The following DCST2 variants were observed in gnomAD, a reference collection of about 807,000 sequenced individuals.
DCST2 encodes DC-STAMP domain-containing protein 2.
DCST2 carries 64 observed loss-of-function variants against 81.8 expected under a neutral mutation model. The observed-to-expected ratio is 0.78, with a 90% CI of 0.64 to 0.96. The LOEUF is 0.96. Among genes scored for constraint, DCST2 ranks in the 40% least tolerant of loss-of-function variants. The probability of loss-of-function intolerance (pLI) is 0.00; values close to 1 mark genes in which losing one functional copy is unlikely to be tolerated. For synonymous variants in DCST2, 354 were observed against 402.6 expected (o/e 0.88, Z 1.44); for missense variants, 945 against 1,001.4 (o/e 0.94, Z 0.76).
At chr1:155,032,296 C>T (rs933798775) in intron 3 of DCST2, among the ~76,000 whole-genome samples, 9 of 150,922 alleles carry the variant, frequency 6.0e-5, no homozygotes, top group South Asian at 2.1e-4. Context: ...CTGGCCCCCC[C>T]GCTTTTTTTT....
At chr1:155,022,970 G>T in intron 14 of DCST2, 147 bp downstream of exon 14, 1 of 1,294,788 alleles carries the variant, frequency 7.7e-7, no homozygotes, top group Non-Finnish European at 1.1e-6. Flanking sequence ...CAGAGCAGCC[G>T]CTTGGCAAAC....
intron 4 of DCST2, 59 bp downstream of exon 4, chr1:155,031,515 T>TAC: frequency 6.2e-6 from 4 of 643,126 alleles, no homozygotes; most frequent in Non-Finnish European, 1.2e-5. Flanking sequence ...ACCCCCACAT[T>TAC]CCCACCCCAC....
At chr1:155,023,706 T>C in intron 12 of DCST2, 126 bp downstream of exon 12, 2 of 1,572,988 alleles carry the variant, frequency 1.3e-6, no homozygotes, top group Non-Finnish European at 1.7e-6. Flanking sequence ...ACGTGCATAG[T>C]AATGAAGGGA....
intron 3 of DCST2, 115 bp from the exon 4 acceptor site, chr1:155,031,886 G>T: frequency 8.9e-7 from 1 of 1,123,564 alleles, no homozygotes; most frequent in Non-Finnish European, 1.3e-6. Context: ...TCAGGGACCT[G>T]GCTGTGCTGT....
intron 4 of DCST2, 56 bp from the exon 5 acceptor site, chr1:155,031,290 C>T (rs537985844): frequency 9.9e-6 from 15 of 1,509,234 alleles, no homozygotes; most frequent in East Asian, 2.3e-5. Context: ...GGCCTGCCCC[C>T]GACCTCTGGA....
chr1:155,031,197 T>C lies in DCST2; in HGVS notation c.777A>G (p.Gln259=), dbSNP rs1169006984. Residue 259 remains glutamine (Q), a synonymous_variant, in exon 5 of 15, where the codon CAA becomes CAG. Transcript: ENST00000368424. ...TGCCGATGGTCTGGCGCAAGAAGGG[T>C]TGAATGTACTTAGGGATGACGCAGA... ...QVFCVIPKYI[Q]PFLRQTIGTP... is the part of the protein sequence containing the mutation. The C allele has an allele frequency of 3.1e-6, 5 of 1,589,236 alleles. No homozygotes were observed. The Admixed American group carries it at 9.4e-5, about 30-fold the overall frequency.
intron 11 of DCST2, 144 bp downstream of exon 11, chr1:155,024,328 C>G: frequency 6.0e-6 from 7 of 1,167,202 alleles, no homozygotes; most frequent in Non-Finnish European, 8.1e-6. Flanking sequence ...AGAATTCCCA[C>G]CTTTCACAGC....
intron 14 of DCST2, among the ~76,000 whole-genome samples, chr1:155,019,157 C>A (rs1429357106): frequency 1.3e-5 from 2 of 152,216 alleles, no homozygotes; most frequent in African/African-American, 4.8e-5. Context: ...CCCATTCACA[C>A]TGGAATGTGC....
At position 155,033,549 on chromosome 1, in the gene DCST2, G is replaced by A. The variant is rs200303977; in HGVS notation, c.153C>T (p.Ser51=). 8.7e-6 allele frequency: 14 copies of A among 1,614,122 alleles called. No homozygotes were observed. Among genetic ancestry groups the A allele is most frequent in the East Asian group, 2.2e-5 (1 of 44,878 alleles). Residue 51 remains serine, a synonymous_variant, in exon 1 of 15, where the codon AGC becomes AGT. Coordinates refer to ENST00000368424, the MANE Select transcript of DCST2 (RefSeq NM_144622.3). ...GGGTGCCCACCAGGCAACCCCAGGG[G>A]CTGTGGCCTTCCACCAGTAGCTCCA... ...GLLELLVEGH[S]PWGCLVGTLT...
chr1:155,033,603 G>A lies in DCST2; in HGVS notation c.99C>T (p.Gly33=), dbSNP rs1558104225. Residue 33 remains glycine (G), a synonymous_variant, in exon 1 of 15, where the codon GGC becomes GGT. Transcript: ENST00000368424. ...VVRSVGGFTL[G]LSLATAYGLL... ...GCCCGTAGGCCGTGGCTAAAGACAAGCCCAGGGTAAAACCTCCCACGCTGC... is the reference window on the plus strand; with the variant it reads ...GCCCGTAGGCCGTGGCTAAAGACAAACCCAGGGTAAAACCTCCCACGCTGC... The A allele has an allele frequency of 6.2e-7, 1 of 1,614,178 alleles. No homozygotes were observed. The highest frequency in any genetic ancestry group is 8.5e-7 in the Non-Finnish European group (1 of 1,180,012).
chr1:155,031,473 T>C (rs1660078077), intron 4 of DCST2, 101 bp downstream of exon 4: 2 of 1,176,934 alleles, frequency 1.7e-6, no homozygotes, highest in Non-Finnish European at 2.3e-6. Context: ...TGTTGCCCTC[T>C]AATCGTCCTC....
chr1:155,022,978 A>C, intron 14 of DCST2, 139 bp downstream of exon 14: 1 of 1,363,032 alleles, frequency 7.3e-7, no homozygotes, highest in Non-Finnish European at 9.9e-7. Flanking sequence ...CCGCTTGGCA[A>C]ACCTCAGTTA....
chr1:155,030,967 G>A, intron 5 of DCST2: 1 of 637,766 alleles, frequency 1.6e-6, no homozygotes, highest in Non-Finnish European at 2.7e-6. Flanking sequence ...AGGGCAGGCT[G>A]TGGTGAGGCA....
Position 155,023,920 on chromosome 1 carries a change from C to T in DCST2, c.1782G>A (p.Leu594=). The T allele has an allele frequency of 1.2e-6, 2 of 1,613,542 alleles. No homozygotes were observed. The highest frequency in any genetic ancestry group is 1.7e-6 in the Non-Finnish European group (2 of 1,179,870). Residue 594 remains leucine (L), a synonymous_variant, in exon 12 of 15, where the codon CTG becomes CTA. Coordinates refer to ENST00000368424, the MANE Select transcript of DCST2 (RefSeq NM_144622.3). ...CLGPFVSHFW[L]HQAYCLGCGQ... is the part of the protein sequence containing the mutation. ...CACAGCCCAGGCAGTAGGCCTGATG[C>T]AGCCAAAAGTGGCTGACAAATGGAC... is the stretch of plus-strand genomic sequence containing the variant.
Position 155,018,572 on chromosome 1 carries a change from G to A in DCST2, c.2294C>T (p.Pro765Leu). ...TTTGGGGGGTGGGTGGGAAGGATCA[G>A]GAAGAGAGGGAGGTGAGAGAGGGAC... ...PSVPLSPPSLPDPSHPPPK is the reference protein window; with the variant it reads ...PSVPLSPPSLLDPSHPPPK The change falls in exon 15 of 15, where the codon CCT (proline) becomes CTT (leucine). Residue 765 changes from proline to leucine, a missense_variant. Coordinates refer to ENST00000368424, the MANE Select transcript of DCST2 (RefSeq NM_144622.3). 1.2e-6 allele frequency: 2 copies of A among 1,613,596 alleles called. No homozygotes were observed. Among genetic ancestry groups the A allele is most frequent in the Non-Finnish European group, 1.7e-6 (2 of 1,179,798 alleles).
rs1660178332 is a variant in DCST2 at position 155,033,689 on chromosome 1, T to C, written c.13A>G (p.Met5Val). ...CCCAAGGGGTGCACAACATCCTTCA[T>C]GACTTTGGGCATGGCTGCTGAGACC... MPKV[M>V]KDVVHPLGGE... Residue 5 changes from methionine (M) to valine (V), a missense_variant, in exon 1 of 15, where the codon ATG becomes GTG. Met to Val is a conservative substitution (Grantham distance 21). Transcript: ENST00000368424. The C allele has an allele frequency of 6.2e-7, 1 of 1,613,568 alleles. No individual in the cohort carries two copies. The highest frequency in any genetic ancestry group is 1.3e-5 in the African/African-American group (1 of 75,040).
intron 2 of DCST2, 49 bp from the exon 3 acceptor site, chr1:155,032,817 T>C (rs1384602362): frequency 6.5e-7 from 1 of 1,529,858 alleles, no homozygotes; most frequent in Admixed American, 1.7e-5. Flanking sequence ...CTCTAGGGGC[T>C]GGTTCTCACC....
intron 14 of DCST2, among the ~76,000 whole-genome samples, chr1:155,020,200 A>T (rs1659712737): frequency 6.6e-6 from 1 of 152,218 alleles, no homozygotes; most frequent in African/African-American, 2.4e-5. Context: ...AAACCCTTTT[A>T]GTGCTGAATC....
In DCST2 at chr1:155,029,354, C is replaced by T. The variant is rs747262561; in HGVS notation, c.1221G>A (p.Leu407=). Residue 407 remains leucine, a synonymous_variant, in exon 8 of 15, where the codon CTG becomes CTA. Transcript: ENST00000368424. ...GGTGTCGGATAAGGTTGAAGGTCTC[C>T]AGAATGTAAAAAAACTTCTCCCATT... is the stretch of plus-strand genomic sequence containing the variant. ...LSQWEKFFYI[L]ETFNLIRHLL... The T allele has an allele frequency of 3.1e-6, 5 of 1,613,910 alleles. No individual in the cohort carries two copies. The highest frequency in any genetic ancestry group is 4.2e-6 in the Non-Finnish European group (5 of 1,180,006).
Sources: gnomAD v4.1 joint callset for allele counts (sites outside exome capture counted in the v4.1 genomes callset) on GRCh38, gnomAD v4.1.1 for gene constraint, MANE v1.5 for transcripts, NCBI Gene and HGNC (gene_info 2026-07-23, HGNC 2026-07-21) for gene names.